GPR183: variants seen among roughly 807,000 people sequenced by gnomAD.
GPR183 encodes EBV-induced G-protein coupled receptor 2.
Under a neutral mutation model 19.7 loss-of-function variants are expected in GPR183, and 9 were observed. The observed-to-expected ratio is 0.46, with a 90% CI of 0.28 to 0.80. GPR183 has a LOEUF of 0.80. Ranked by LOEUF, GPR183 falls within the 30% of genes least tolerant of loss-of-function variation. The pLI is 0.13. For missense variants in GPR183, 368 were observed against 446.7 expected (o/e 0.82, Z 1.59); for synonymous variants, 160 against 155.1 (o/e 1.03, Z -0.24).
intron 1 of GPR183, among the ~76,000 whole-genome samples, chr13:99,306,880 A>G (rs1247650337): frequency 6.6e-6 from 1 of 152,186 alleles, no homozygotes; most frequent in Admixed American, 6.5e-5. Context: ...TTTAGAAAAT[A>G]TACCCTTTGC....
At chr13:99,306,438 T>A (rs1015597411) in intron 1 of GPR183, among the ~76,000 whole-genome samples, 8 of 152,116 alleles carry the variant, frequency 5.3e-5, no homozygotes, top group African/African-American at 1.9e-4. Context: ...TTTCATTTGA[T>A]CCTGATTTCA....
chr13:99,302,153 A>G (rs571735348), intron 1 of GPR183, among the ~76,000 whole-genome samples: 9 of 152,312 alleles, frequency 5.9e-5, no homozygotes, highest in African/African-American at 2.2e-4. Flanking sequence ...TTTCAAAAAC[A>G]GCCAGGGGAG....
rs1174376092 is a variant in GPR183, at chr13:99,295,069, A to G, written c.1077T>C (p.Asn359=). The G allele has an allele frequency of 5.6e-6, 9 of 1,612,864 alleles. No individual in the cohort carries two copies. In the African/African-American group the frequency reaches 6.7e-5, roughly 12 times the overall value. Reference sequence around the variant, plus strand: ...CAAAATACAATCCATTTCACTTTCCATTTGAAGACTTGGAATGTATCATCA... The same window carrying G: ...CAAAATACAATCCATTTCACTTTCCGTTTGAAGACTTGGAATGTATCATCA... ...TQMMIHSKSS[N]GK The change falls in exon 2 of 2, where the codon AAT becomes AAC. Residue 359 remains asparagine (N), a synonymous_variant. Transcript: ENST00000376414. This position sits in a 1 kb window ranked among gnomAD's most constrained non-coding sequence, Gnocchi z 4.1.
chr13:99,297,753 C>T (rs993334099), intron 1 of GPR183, among the ~76,000 whole-genome samples: 1 of 151,452 alleles, frequency 6.6e-6, no homozygotes, highest in African/African-American at 2.4e-5. Context: ...TGTGTCACAA[C>T]AAACTTAAAT....
At chr13:99,298,443 A>G (rs762042289) in intron 1 of GPR183, among the ~76,000 whole-genome samples, 6 of 152,216 alleles carry the variant, frequency 3.9e-5, no homozygotes, top group Non-Finnish European at 8.8e-5. Context: ...AAATGCTTAG[A>G]ACTAAATGAT....
chr13:99,301,770 G>A (rs975564870), intron 1 of GPR183, among the ~76,000 whole-genome samples: 2 of 152,148 alleles, frequency 1.3e-5, no homozygotes, highest in African/African-American at 4.8e-5. Flanking sequence ...TAATTTACTC[G>A]TTCAAGTAAT....
intron 1 of GPR183, among the ~76,000 whole-genome samples, chr13:99,297,257 CTG>C (rs1157920942): frequency 1.8e-4 from 27 of 152,098 alleles, no homozygotes; most frequent in Non-Finnish European, 2.6e-4. Context: ...GCAATAAATC[CTG>C]TGTGATTATT....
rs778913464 is a variant in GPR183, at chr13:99,296,180, A to T, written c.-18-17T>A. ...TCCAGGTGTCTAGAAAAAAACCAAG[A>T]AGGATCATATAAGTAAAAGCATATG... On this transcript the variant is annotated splice_polypyrimidine_tract_variant and intron_variant, in intron 1 of 1. Transcript: ENST00000376414. The T allele has an allele frequency of 2.0e-5, 31 of 1,531,840 alleles. No individual in the cohort carries two copies. The highest frequency in any genetic ancestry group is 1.8e-4 in the Middle Eastern group (1 of 5,660). 94.9% of individuals were successfully genotyped at this position (1,531,840 alleles called of 1,614,324 possible).
intron 1 of GPR183, among the ~76,000 whole-genome samples, chr13:99,307,010 T>C (rs2138748044): frequency 6.6e-6 from 1 of 152,334 alleles, no homozygotes; most frequent in East Asian, 1.9e-4. Flanking sequence ...CATACTAAGT[T>C]ATCCTGAAAT....
chr13:99,303,890 A>C (rs2044292165), intron 1 of GPR183, among the ~76,000 whole-genome samples: 2 of 152,200 alleles, frequency 1.3e-5, no homozygotes, highest in South Asian at 4.1e-4. Context: ...GAAGGCGCCC[A>C]GGACTCCGTG....
chr13:99,300,210 G>T (rs577535418), intron 1 of GPR183, among the ~76,000 whole-genome samples: 20 of 152,380 alleles, frequency 1.3e-4, no homozygotes, highest in Admixed American at 4.6e-4. Context: ...AGGGTAGCCT[G>T]TTGAGGGTCC....
chr13:99,307,367 G>C lies in GPR183; in HGVS notation c.-46C>G, dbSNP rs944762909. ...ATCAGTGACTCGTTCGGGTCTCTGT[G>C]TAGTAGCTGTGAGTAGTTGTCCAAA... On this transcript the variant is annotated 5_prime_UTR_variant, in exon 1 of 2. Transcript: ENST00000376414. The C allele has an allele frequency of 2.0e-5, 3 of 152,148 alleles. No homozygotes were observed. The highest frequency in any genetic ancestry group is 7.2e-5 in the African/African-American group (3 of 41,422). 9.4% of individuals were successfully genotyped at this position (152,148 alleles called of 1,614,324 possible).
rs2044146148 is a variant in GPR183 at position 99,294,981 on chromosome 13, A to G, written c.*79T>C. ...AAAGAATACTAATTGGAAGCTGAAC[A>G]ATTATTTTGCTTTATAAGGGAAGTC... On this transcript the variant is annotated 3_prime_UTR_variant, in exon 2 of 2. Coordinates refer to ENST00000376414, the MANE Select transcript of GPR183 (RefSeq NM_004951.5). 2 of 1,464,506 alleles carry G rather than the reference A, an allele frequency of 1.4e-6. No homozygotes were observed. The highest frequency in any genetic ancestry group is 1.8e-6 in the Non-Finnish European group (2 of 1,087,358). The allele number at this position is 1,464,506 out of a possible 1,614,324, so 90.7% of individuals were successfully genotyped here.
Position 99,307,326 on chromosome 13 carries a change from G to C in GPR183, c.-19+14C>G, listed in dbSNP as rs2044350619. 1 of 152,146 alleles carries C rather than the reference G, an allele frequency of 6.6e-6. No homozygotes were observed. Among genetic ancestry groups the C allele is most frequent in the Non-Finnish European group, 1.5e-5 (1 of 68,024 alleles). 9.4% of individuals were successfully genotyped at this position (152,146 alleles called of 1,614,324 possible). A position where few individuals can be genotyped will look rare whatever the true frequency, so the allele number is the denominator to read the frequency against. The stretch of plus-strand genomic sequence containing the variant: ...TAAAAAGTTTGTTGAAAAAGCAAAA[G>C]ATCTTGTACTTACATATCAGTGACT... On this transcript the variant is annotated intron_variant, in intron 1 of 1. Coordinates refer to ENST00000376414, the MANE Select transcript of GPR183 (RefSeq NM_004951.5).
At chr13:99,296,389 C>G (rs888681359) in intron 1 of GPR183, among the ~76,000 whole-genome samples, 1 of 152,124 alleles carries the variant, frequency 6.6e-6, no homozygotes, top group Non-Finnish European at 1.5e-5. Flanking sequence ...TTTTTACTCT[C>G]ACAATTTGCT....
At chr13:99,305,875 A>G (rs1318923689) in intron 1 of GPR183, among the ~76,000 whole-genome samples, 2 of 151,868 alleles carry the variant, frequency 1.3e-5, no homozygotes, top group African/African-American at 2.4e-5. Context: ...GATCATCCAT[A>G]GACTCAGGGC....
chr13:99,304,995 A>T (rs768971461), intron 1 of GPR183, among the ~76,000 whole-genome samples: 13 of 152,240 alleles, frequency 8.5e-5, no homozygotes, highest in African/African-American at 1.2e-4. Context: ...AGAGATGTTG[A>T]TTCAAATGAA....
At chr13:99,302,336 G>A (rs546613869) in intron 1 of GPR183, among the ~76,000 whole-genome samples, 53 of 152,192 alleles carry the variant, frequency 3.5e-4, no homozygotes, top group Non-Finnish European at 6.8e-4. Context: ...TGAAAGCTCA[G>A]GGTTAATTGA....
intron 1 of GPR183, among the ~76,000 whole-genome samples, chr13:99,304,499 T>C (rs905057329): frequency 1.3e-5 from 2 of 152,222 alleles, no homozygotes; most frequent in Non-Finnish European, 2.9e-5. Context: ...TATCTCTAGG[T>C]GATGTATGAT....
Sources: gnomAD v4.1 joint callset for allele counts (sites outside exome capture counted in the v4.1 genomes callset) on GRCh38, gnomAD v4.1.1 for gene constraint, Gnocchi (gnomAD v3.1) non-coding constraint, MANE v1.5 for transcripts, NCBI Gene and HGNC (gene_info 2026-07-23, HGNC 2026-07-21) for gene names.